Variants in ELFN2 observed in about 807,000 individuals in gnomAD.
ELFN2 encodes extracellular leucine rich repeat and fibronectin type III domain containing 2.
In ELFN2, 17 loss-of-function variants were observed where a neutral mutation model predicts 45.5. That is an observed-to-expected ratio of 0.37 (90% confidence interval 0.26 to 0.56). The LOEUF (loss-of-function observed/expected upper bound fraction) is 0.56. Ranked by LOEUF, ELFN2 falls within the 20% of genes least tolerant of loss-of-function variation. The pLI, the probability that ELFN2 is intolerant of heterozygous loss-of-function variation, is 0.77. For missense variants in ELFN2, 922 were observed against 1,183.2 expected (o/e 0.78, Z 3.24); for synonymous variants, 550 against 551.5 (o/e 1.00, Z 0.04).
In ELFN2 at chr22:37,373,646, C is replaced by T. The variant is rs546148270; in HGVS notation, c.1889G>A (p.Ser630Asn). The T allele has an allele frequency of 1.9e-5, 30 of 1,591,438 alleles. No homozygotes were observed. The East Asian group carries it at 6.7e-4, about 36-fold the overall frequency. ...ADAAVTRKTC[S>N]VSSSGSIKSA... ...CTTGATGGAACCACTGGACGACACG[C>T]TGCAGGTCTTGCGGGTCACGGCCGC... Residue 630 changes from serine to asparagine, a missense_variant, in exon 3 of 3, where the codon AGC (serine) becomes AAC (asparagine). Coordinates refer to ENST00000402918, the MANE Select transcript of ELFN2 (RefSeq NM_052906.5).
At chr22:37,348,474 G>A (rs1051624679) in intron 1 of ELFN2, among the ~76,000 whole-genome samples, 12 of 150,894 alleles carry the variant, frequency 8.0e-5, no homozygotes, top group African/African-American at 2.7e-4. Flanking sequence ...GTGGGCACAG[G>A]GCCCCAGATC....
intron 2 of ELFN2, among the ~76,000 whole-genome samples, chr22:37,384,671 GC>G (rs1931892676): frequency 2.4e-4 from 1 of 4,182 alleles, no homozygotes; most frequent in Non-Finnish European, 4.2e-4. Flanking sequence ...ACCTGACCCC[GC>G]TTCCCACTCC....
chr22:37,378,870 T>C (rs1039956577), intron 2 of ELFN2, among the ~76,000 whole-genome samples: 2 of 152,250 alleles, frequency 1.3e-5, no homozygotes, highest in African/African-American at 4.8e-5. Flanking sequence ...CTAGCCCAGC[T>C]GTTCACGCAC....
chr22:37,400,228 C>G (rs1932329223), intron 2 of ELFN2, among the ~76,000 whole-genome samples: 1 of 152,140 alleles, frequency 6.6e-6, no homozygotes, highest in African/African-American at 2.4e-5. Flanking sequence ...CGTGTCTACC[C>G]CCATCCCACC....
intron 2 of ELFN2, among the ~76,000 whole-genome samples, chr22:37,416,572 A>G (rs560162924): frequency 1.3e-5 from 2 of 152,162 alleles, no homozygotes; most frequent in Non-Finnish European, 2.9e-5. Flanking sequence ...TGGGAAGATC[A>G]TGACCACAGA....
chr22:37,357,120 T>C (rs1242351461), intron 1 of ELFN2, among the ~76,000 whole-genome samples: 2 of 136,500 alleles, frequency 1.5e-5, no homozygotes, highest in South Asian at 2.2e-4. Flanking sequence ...GTCTCCTCAC[T>C]GCCCCATAAG....
intron 2 of ELFN2, among the ~76,000 whole-genome samples, chr22:37,392,412 G>A (rs1023091461): frequency 1.3e-5 from 2 of 150,300 alleles, no homozygotes; most frequent in Non-Finnish European, 3.0e-5. Context: ...CCGCCTCCCA[G>A]ATTCAAGCAA....
rs377708881 is a variant in ELFN2, at chr22:37,391,233, G to A, written c.-462-15237C>T. 1.2e-3 allele frequency among the ~76,000 whole-genome samples: 177 copies of A among 152,264 alleles called. 1 individual carries two copies. Among genetic ancestry groups the A allele is most frequent in the African/African-American group, 4.1e-3 (170 of 41,542 alleles). ...TGGCTCCCGACCCCCATCCCAGGTC[G>A]CATGACAGGGACACTGGTTTTACAT... On this transcript the variant is annotated intron_variant, in intron 2 of 2. Coordinates refer to ENST00000402918, the MANE Select transcript of ELFN2 (RefSeq NM_052906.5).
intron 2 of ELFN2, among the ~76,000 whole-genome samples, chr22:37,415,479 G>C (rs536640025): frequency 2.9e-4 from 44 of 152,308 alleles, no homozygotes; most frequent in African/African-American, 1.0e-3. Flanking sequence ...CTCCATCCTG[G>C]CTCAGCCACC....
intron 1 of ELFN2, among the ~76,000 whole-genome samples, chr22:37,345,746 C>T (rs1279261298): frequency 1.3e-5 from 2 of 152,064 alleles, no homozygotes; most frequent in East Asian, 1.9e-4. Flanking sequence ...CAGGGTTTCA[C>T]GATATTGGCC....
Position 37,375,692 on chromosome 22 carries a change from G to A in ELFN2, c.-158C>T. Reference sequence around the variant, plus strand: ...AAGGTGGGTACAGCTAGTGCCAACTGCTGGGGATCTTCTAGGGTGCTACAG... The same window carrying A: ...AAGGTGGGTACAGCTAGTGCCAACTACTGGGGATCTTCTAGGGTGCTACAG... On this transcript the variant is annotated 5_prime_UTR_variant, in exon 3 of 3. Coordinates refer to ENST00000402918, the MANE Select transcript of ELFN2 (RefSeq NM_052906.5). 1.2e-6 allele frequency: 1 copy of A among 841,480 alleles called. No homozygotes were observed. The highest frequency in any genetic ancestry group is 2.7e-5 in the East Asian group (1 of 36,706). The allele number at this position is 841,480 out of a possible 1,614,324, so 52.1% of individuals were successfully genotyped here. A position where few individuals can be genotyped will look rare whatever the true frequency, so the allele number is the denominator to read the frequency against.
intron 2 of ELFN2, among the ~76,000 whole-genome samples, chr22:37,405,727 G>A (rs373066676): frequency 6.6e-6 from 1 of 151,758 alleles, no homozygotes; most frequent in Non-Finnish European, 1.5e-5. Flanking sequence ...GGCTGCATGA[G>A]ACTACCTGGA....
intron 2 of ELFN2, among the ~76,000 whole-genome samples, chr22:37,378,160 C>A (rs943038841): frequency 6.6e-6 from 1 of 152,182 alleles, no homozygotes; most frequent in Non-Finnish European, 1.5e-5. Flanking sequence ...GGCGGGCAGG[C>A]GCGTGTGCAC....
At chr22:37,356,612 T>C (rs9607448) in intron 1 of ELFN2, among the ~76,000 whole-genome samples, 54,137 of 151,932 alleles carry the variant, frequency 0.36, 10,103 homozygotes, top group Middle Eastern at 0.47. Context: ...CTCAGGTACG[T>C]CAGCTAAATA....
At chr22:37,365,522 C>T (rs534801838), downstream of ELFN2, among the ~76,000 whole-genome samples, 9 of 151,996 alleles carry the variant, frequency 5.9e-5, no homozygotes, top group African/African-American at 2.2e-4. Context: ...GGCCGGTGGT[C>T]GGTGAAGTTT....
At chr22:37,364,974 T>C (rs1349569367), downstream of ELFN2, among the ~76,000 whole-genome samples, 2 of 152,034 alleles carry the variant, frequency 1.3e-5, no homozygotes, top group Non-Finnish European at 2.9e-5. Context: ...GTGACAAAAA[T>C]GAACAGCAGA....
chr22:37,345,851 C>T (rs770977204), intron 1 of ELFN2, among the ~76,000 whole-genome samples: 1 of 152,184 alleles, frequency 6.6e-6, no homozygotes, highest in Non-Finnish European at 1.5e-5. Context: ...CGGCCATGGC[C>T]TCCTTGCTTT....
In ELFN2 at chr22:37,411,892, G is replaced by A. The variant is rs1385745552; in HGVS notation, c.-463+5877C>T. Among the ~76,000 whole-genome samples the A allele has an allele frequency of 2.6e-5, 4 of 151,858 alleles. No homozygotes were observed. In the East Asian group the frequency reaches 7.7e-4, roughly 29 times the overall value. On this transcript the variant is annotated intron_variant, in intron 2 of 2. Coordinates refer to ENST00000402918, the MANE Select transcript of ELFN2 (RefSeq NM_052906.5). The stretch of plus-strand genomic sequence containing the variant: ...TCAGGCGTGGGATCTAACTCACAAG[G>A]TCTCACTTCCCACCACCAAACAGGC...
downstream of ELFN2, among the ~76,000 whole-genome samples, chr22:37,363,099 C>A (rs1025234873): frequency 6.6e-6 from 1 of 152,160 alleles, no homozygotes; most frequent in Non-Finnish European, 1.5e-5. Context: ...GTCAGTCCTG[C>A]GTAGTTATTT....
Sources: allele counts gnomAD v4.1 joint callset (sites outside exome capture counted in the v4.1 genomes callset), GRCh38; gene constraint gnomAD v4.1.1; transcripts MANE v1.5; gene names NCBI Gene and HGNC (gene_info 2026-07-23, HGNC 2026-07-21).